Variants in SLC51A observed in about 807,000 individuals in gnomAD.
SLC51A encodes solute carrier family 51 member A, also known as organic solute transporter subunit alpha.
A neutral mutation model predicts 34.8 loss-of-function variants in SLC51A; 22 were observed. That is an observed-to-expected ratio of 0.63 (90% CI 0.45 to 0.90). The LOEUF (loss-of-function observed/expected upper bound fraction) is 0.90. Among genes scored for constraint, SLC51A ranks in the 40% least tolerant of loss-of-function variants. The pLI is 0.00. For missense variants in SLC51A, 371 were observed against 414.8 expected, an observed-to-expected ratio of 0.89 and a Z score of 0.92; for synonymous variants, 181 against 176.3, an observed-to-expected ratio of 1.03 and a Z score of -0.21.
Position 196,227,145 on chromosome 3 carries a change from G to C in SLC51A, c.288+26G>C, listed in dbSNP as rs773551671. The C allele has an allele frequency of 2.4e-5, 39 of 1,607,390 alleles. 1 individual carries two copies. The South Asian group carries it at 2.8e-4, about 11-fold the overall frequency. Reference sequence around the variant, plus strand: ...GTGAGGCCCCCGGGGCTGCCCTGTGGGGGGAACTGAAAAGAAGGCAGAGAC... The same window carrying C: ...GTGAGGCCCCCGGGGCTGCCCTGTGCGGGGAACTGAAAAGAAGGCAGAGAC... On this transcript the variant is annotated intron_variant, in intron 3 of 8. Transcript: ENST00000296327.
chr3:196,228,431 G>A lies in SLC51A; in HGVS notation c.521+158G>A, dbSNP rs1291189097. Among the ~76,000 whole-genome samples, 3 of 152,224 alleles carry A rather than the reference G, an allele frequency of 2.0e-5. No homozygotes were observed. The highest frequency in any genetic ancestry group is 2.9e-5 in the Non-Finnish European group (2 of 68,040). On this transcript the variant is annotated intron_variant, in intron 5 of 8. Coordinates refer to ENST00000296327, the MANE Select transcript of SLC51A (RefSeq NM_152672.6). The surrounding 1 kb of genome is among the most constrained non-coding windows in gnomAD (Gnocchi z 4.9). ...GGACCCACGGGCGCCACCCTCAGGG[G>A]ACAGGGGAGCAGAGGAAGGAGAGCT... is the stretch of plus-strand genomic sequence containing the variant.
rs372845806 is a variant in SLC51A, at chr3:196,228,866, G to T, written c.579G>T (p.Thr193=). 6.2e-7 allele frequency: 1 copy of T among 1,614,132 alleles called. No individual in the cohort carries two copies. Among genetic ancestry groups the T allele is most frequent in the South Asian group, 1.1e-5 (1 of 91,082 alleles). The change falls in exon 6 of 9, where the codon ACG becomes ACT. Residue 193 remains threonine (T), a synonymous_variant. Transcript: ENST00000296327. The surrounding 1 kb of genome is among the most constrained non-coding windows in gnomAD (Gnocchi z 4.9). ...TCCAATACGCCTTCTTGAAGATAAC[G>T]CTGACCCTGGTGGGCCTGTTTCTCG... The part of the protein sequence containing the change: ...GPFQYAFLKI[T]LTLVGLFLVP...
intron 1 of SLC51A, among the ~76,000 whole-genome samples, chr3:196,217,222 C>T (rs1723613170): frequency 6.6e-6 from 1 of 152,330 alleles, no homozygotes; most frequent in East Asian, 1.9e-4. Context: ...GTTCTCCACT[C>T]CCTCTAAGAA....
chr3:196,231,687 C>A (rs1724033049), intron 7 of SLC51A, among the ~76,000 whole-genome samples: 1 of 152,086 alleles, frequency 6.6e-6, no homozygotes. Context: ...CCGAGCCTGC[C>A]CATGGTTAAT....
intron 2 of SLC51A, 91 bp downstream of exon 2, chr3:196,218,027 C>A: frequency 8.5e-7 from 1 of 1,176,866 alleles, no homozygotes; most frequent in Non-Finnish European, 1.2e-6. Flanking sequence ...AGCTGGTGCA[C>A]CTGGGCAGCC....
intron 2 of SLC51A, among the ~76,000 whole-genome samples, chr3:196,223,037 C>T (rs1377954422): frequency 2.6e-5 from 4 of 151,818 alleles, no homozygotes; most frequent in African/African-American, 7.2e-5. Context: ...ACGGCCCTCC[C>T]AGGGTTGCCT....
intron 4 of SLC51A, 165 bp from the exon 5 acceptor site, chr3:196,227,950 T>C: frequency 3.9e-6 from 4 of 1,022,960 alleles, no homozygotes; most frequent in Non-Finnish European, 4.3e-6. Flanking sequence ...CAGTCTGAAA[T>C]TCCCCTTCTC....
intron 2 of SLC51A, among the ~76,000 whole-genome samples, chr3:196,221,970 G>A (rs1025935739): frequency 3.9e-5 from 6 of 151,916 alleles, no homozygotes; most frequent in South Asian, 2.1e-4. Context: ...CGCCCGCCTC[G>A]GCCTCCCAAT....
intron 8 of SLC51A, 51 bp from the exon 9 acceptor site, chr3:196,233,012 C>T: frequency 6.3e-7 from 1 of 1,582,622 alleles, no homozygotes; most frequent in South Asian, 1.1e-5. Context: ...TAGTAAAATA[C>T]CACCTCTGTA....
At chr3:196,220,163 G>A (rs1296252624) in intron 2 of SLC51A, among the ~76,000 whole-genome samples, 3 of 152,372 alleles carry the variant, frequency 2.0e-5, no homozygotes, top group Middle Eastern at 6.8e-3. Context: ...GCTGCGCGCC[G>A]GGCTGGCGGA....
chr3:196,219,978 C>G (rs1723703108), intron 2 of SLC51A, among the ~76,000 whole-genome samples: 1 of 152,258 alleles, frequency 6.6e-6, no homozygotes, highest in African/African-American at 2.4e-5. Context: ...TCCAGCAAGC[C>G]TCGCCGCAGG....
intron 7 of SLC51A, 110 bp from the exon 8 acceptor site, chr3:196,232,309 G>A (rs567760182): frequency 3.5e-5 from 26 of 738,102 alleles, no homozygotes; most frequent in African/African-American, 3.1e-4. Flanking sequence ...CAGATCTGAC[G>A]GTGGGTGGAA....
At chr3:196,227,361 C>T (rs955698982) in intron 3 of SLC51A, 7 of 592,978 alleles carry the variant, frequency 1.2e-5, no homozygotes, top group Non-Finnish European at 1.8e-5. Flanking sequence ...CCAGCCGCCT[C>T]ATCCTTGCTC....
chr3:196,227,903 G>T, intron 4 of SLC51A, 166 bp downstream of exon 4: 1 of 912,904 alleles, frequency 1.1e-6, no homozygotes. Flanking sequence ...CCTCATTTTG[G>T]CATCTGGCAC....
In SLC51A at chr3:196,233,190, C is replaced by G; in HGVS notation, c.1014C>G (p.Leu338=). 1 of 1,614,216 alleles carries G rather than the reference C, an allele frequency of 6.2e-7. No individual in the cohort carries two copies. Among genetic ancestry groups the G allele is most frequent in the Non-Finnish European group, 8.5e-7 (1 of 1,180,038 alleles). ...TFSSPDLDLN[L]KA ...CTTCTCCAGACCTGGACTTGAACCT[C>G]AAAGCCTAAGGTGGATGGCTTGGAC... Residue 338 remains leucine, a synonymous_variant, in exon 9 of 9, where the codon CTC becomes CTG. Transcript: ENST00000296327.
At chr3:196,217,745 C>A in intron 1 of SLC51A, 97 bp from the exon 2 acceptor site, 1 of 906,510 alleles carries the variant, frequency 1.1e-6, no homozygotes, top group Non-Finnish European at 1.7e-6. Flanking sequence ...GGGAAATGGA[C>A]AAAGTCCTGC....
rs369353452 is a variant in SLC51A, at chr3:196,218,271, G to A, written c.133+335G>A. 1.4e-3 allele frequency among the ~76,000 whole-genome samples: 212 copies of A among 152,334 alleles called. 2 individuals carry two copies. Among genetic ancestry groups the A allele is most frequent in the African/African-American group, 4.9e-3 (204 of 41,588 alleles). On this transcript the variant is annotated intron_variant, in intron 2 of 8. Coordinates refer to ENST00000296327, the MANE Select transcript of SLC51A (RefSeq NM_152672.6). Reference sequence around the variant, plus strand: ...TGGGGACCCAAGATGGTGCCCAAGTGGTCCAAGCCCCATCGGGTCTCCTGG... The same window carrying A: ...TGGGGACCCAAGATGGTGCCCAAGTAGTCCAAGCCCCATCGGGTCTCCTGG...
At chr3:196,226,665 T>A in intron 2 of SLC51A, 1 of 192,620 alleles carries the variant, frequency 5.2e-6, no homozygotes, top group African/African-American at 2.4e-5. Flanking sequence ...TCCCAGCTAC[T>A]TGGGAGGCTG....
chr3:196,222,916 A>C (rs1723798680), intron 2 of SLC51A, among the ~76,000 whole-genome samples: 1 of 151,854 alleles, frequency 6.6e-6, no homozygotes, highest in Non-Finnish European at 1.5e-5. Context: ...ATGGATGCTA[A>C]GGAACTTTTC....
Sources: gnomAD v4.1 joint callset for allele counts (sites outside exome capture counted in the v4.1 genomes callset) on GRCh38, gnomAD v4.1.1 for gene constraint, Gnocchi (gnomAD v3.1) non-coding constraint, MANE v1.5 for transcripts, NCBI Gene and HGNC (gene_info 2026-07-23, HGNC 2026-07-21) for gene names.